The following NRG4 variants were observed in gnomAD, a reference collection of about 807,000 sequenced individuals.
The protein encoded by NRG4 is pro-neuregulin-4, membrane-bound isoform.
Under a neutral mutation model 15.0 loss-of-function variants are expected in NRG4, and 10 were observed. That is an observed-to-expected ratio of 0.67 (90% CI 0.41 to 1.13). NRG4 has a LOEUF of 1.13. Ranked by LOEUF, NRG4 falls within the 50% of genes most tolerant of loss-of-function variation. The probability of loss-of-function intolerance (pLI) is 0.00; values close to 1 mark genes in which losing one functional copy is unlikely to be tolerated. For missense variants in NRG4, 139 were observed against 140.2 expected (o/e 0.99, Z 0.04); for synonymous variants, 41 against 50.1 (o/e 0.82, Z 0.77).
At chr15:75,947,931 T>C (rs1432088172) in intron 5 of NRG4, among the ~76,000 whole-genome samples, 1 of 152,348 alleles carries the variant, frequency 6.6e-6, no homozygotes, top group East Asian at 1.9e-4. Flanking sequence ...TTTTTTCATG[T>C]GCTTATTGGC....
intron 4 of NRG4, among the ~76,000 whole-genome samples, chr15:76,039,459 A>G (rs1232102104): frequency 6.6e-6 from 1 of 152,208 alleles, no homozygotes; most frequent in Non-Finnish European, 1.5e-5. Context: ...CTGAAGGTGA[A>G]AAATGCAATT....
chr15:75,954,891 T>C (rs1787380207), intron 5 of NRG4, among the ~76,000 whole-genome samples: 1 of 152,154 alleles, frequency 6.6e-6, no homozygotes, highest in African/African-American at 2.4e-5. Context: ...AATTTGATTC[T>C]GTCAGCTCAT....
chr15:76,052,299 T>G (rs1185271005), intron 3 of NRG4: 1 of 151,158 alleles, frequency 6.6e-6, no homozygotes, highest in Non-Finnish European at 1.5e-5. Flanking sequence ...TAGTGATACC[T>G]CAAAGGACTT....
At chr15:76,050,597 ATTTTTT>A (rs35228253) in intron 4 of NRG4, among the ~76,000 whole-genome samples, 15 of 108,940 alleles carry the variant, frequency 1.4e-4, no homozygotes, top group African/African-American at 5.3e-4. Flanking sequence ...CGCTCGGCTA[ATTTTTT>A]TTTTTTTTTT....
chr15:75,999,297 T>C (rs1165426684), intron 3 of NRG4, among the ~76,000 whole-genome samples: 1 of 152,160 alleles, frequency 6.6e-6, no homozygotes, highest in Non-Finnish European at 1.5e-5. Flanking sequence ...ACTGGGTAGG[T>C]GCTATGTATC....
At chr15:75,940,611 A>T (rs1220482776), downstream of NRG4, 10 of 152,168 alleles carry the variant, frequency 6.6e-5, no homozygotes, top group African/African-American at 2.4e-4. Context: ...TACAGTAATC[A>T]AAACAATGTG....
chr15:75,939,580 ATAC>A (rs951389327), downstream of NRG4: 1 of 152,172 alleles, frequency 6.6e-6, no homozygotes, highest in Non-Finnish European at 1.5e-5. Context: ...CCAGACAAAG[ATAC>A]TACAAGAAAA....
chr15:76,005,951 G>T (rs1244521675), intron 3 of NRG4: 8 of 245,872 alleles, frequency 3.3e-5, no homozygotes, highest in Non-Finnish European at 4.2e-5. Context: ...ATGGTAGAAG[G>T]CTGAAAGAGC....
intron 3 of NRG4, among the ~76,000 whole-genome samples, chr15:75,978,905 C>A (rs1313916425): frequency 6.6e-6 from 1 of 152,154 alleles, no homozygotes; most frequent in Non-Finnish European, 1.5e-5. Context: ...CTCAGATAAA[C>A]CTCATTGGCT....
chr15:76,052,428 T>G (rs1038844905), intron 3 of NRG4, among the ~76,000 whole-genome samples: 1 of 150,996 alleles, frequency 6.6e-6, no homozygotes, highest in African/African-American at 2.5e-5. Context: ...AGGAGTTGGG[T>G]TAAGAGGGAA....
At position 75,995,063 on chromosome 15, in the gene NRG4, C is replaced by T. The variant is rs1054781943; in HGVS notation, c.104+14137G>A. 6.3e-4 allele frequency among the ~76,000 whole-genome samples: 96 copies of T among 152,076 alleles called. 1 individual carries two copies. Among genetic ancestry groups the T allele is most frequent in the African/African-American group, 2.1e-3 (88 of 41,494 alleles). On this transcript the variant is annotated intron_variant, in intron 3 of 5. Coordinates refer to ENST00000394907, the MANE Select transcript of NRG4 (RefSeq NM_138573.4). ...AATTAGAGGGCATGGTGGCACGTGC[C>T]TCTAGTTCCAGCTACTCCCGAGGCT... is the stretch of plus-strand genomic sequence containing the variant.
chr15:75,998,653 T>C (rs1419181795), intron 3 of NRG4, among the ~76,000 whole-genome samples: 1 of 152,178 alleles, frequency 6.6e-6, no homozygotes, highest in Non-Finnish European at 1.5e-5. Flanking sequence ...CTGAAGGGTT[T>C]TAAGCATAGA....
At chr15:75,969,874 T>G (rs1347695020) in intron 3 of NRG4, among the ~76,000 whole-genome samples, 1 of 152,218 alleles carries the variant, frequency 6.6e-6, no homozygotes, top group Non-Finnish European at 1.5e-5. Flanking sequence ...ACTGTTCTTT[T>G]ATTATAAGCT....
At chr15:75,952,429 GC>G (rs1165109725) in intron 5 of NRG4, among the ~76,000 whole-genome samples, 1 of 152,066 alleles carries the variant, frequency 6.6e-6, no homozygotes, top group African/African-American at 2.4e-5. Context: ...TCTATTTCCT[GC>G]CGAATAATAT....
intron 4 of NRG4, chr15:75,959,113 C>T (rs768827870): frequency 4.9e-6 from 2 of 407,466 alleles, no homozygotes; most frequent in South Asian, 3.5e-5. Context: ...TCCCAAGCAG[C>T]TAGGACTACA....
chr15:76,040,799 C>A (rs1339505066), intron 4 of NRG4, among the ~76,000 whole-genome samples: 1 of 152,128 alleles, frequency 6.6e-6, no homozygotes, highest in African/African-American at 2.4e-5. Context: ...GTCATGCATG[C>A]CTGTAATCTC....
At chr15:76,007,064 G>T (rs943162872) in intron 3 of NRG4, among the ~76,000 whole-genome samples, 1 of 152,076 alleles carries the variant, frequency 6.6e-6, no homozygotes, top group African/African-American at 2.4e-5. Context: ...ATCTAAAACT[G>T]AACAACAAAC....
intron 2 of NRG4, 89 bp from the exon 3 acceptor site, chr15:76,009,382 G>T: frequency 1.7e-6 from 1 of 582,860 alleles, no homozygotes; most frequent in South Asian, 3.0e-5. Flanking sequence ...TTAAACTGAA[G>T]TAGCAATTCT....
intron 5 of NRG4, among the ~76,000 whole-genome samples, chr15:76,020,938 G>A (rs539397606): frequency 5.9e-5 from 9 of 152,344 alleles, no homozygotes; most frequent in African/African-American, 1.9e-4. Context: ...ATCTATCTAA[G>A]ATCATTGAAG....
Sources: allele counts gnomAD v4.1 joint callset (sites outside exome capture counted in the v4.1 genomes callset), GRCh38; gene constraint gnomAD v4.1.1; transcripts MANE v1.5; gene names NCBI Gene and HGNC (gene_info 2026-07-23, HGNC 2026-07-21).